Variants in GALT observed in about 807,000 individuals in gnomAD.
The protein encoded by GALT is galactose-1-phosphate uridylyltransferase.
Under a neutral mutation model 55.4 loss-of-function variants are expected in GALT, and 42 were observed. That is an observed-to-expected ratio of 0.76 (90% confidence interval 0.59 to 0.98). The LOEUF (loss-of-function observed/expected upper bound fraction) is 0.98. GALT is among the 50% of genes least tolerant of loss of function. The probability of loss-of-function intolerance (pLI) is 0.00; values close to 1 mark genes in which losing one functional copy is unlikely to be tolerated. For missense variants in GALT, 407 were observed against 495.7 expected (o/e 0.82, Z 1.70); for synonymous variants, 154 against 181.5 (o/e 0.85, Z 1.22).
rs1450493685 is a variant in GALT, at chr9:34,647,127, T to C, written c.121T>C (p.Trp41Arg). ...CCGCTACAACCCGCTGCAGGATGAG[T>C]GGGTGCTGGTGTCAGCTCACCGCAT... The part of the protein sequence containing the change: ...HIRYNPLQDE[W>R]VLVSAHRMKR... Residue 41 changes from tryptophan (W) to arginine (R), a missense_variant, in exon 2 of 11, where the codon TGG becomes CGG. Coordinates refer to ENST00000378842, the MANE Select transcript of GALT (RefSeq NM_000155.4). This position sits in a 1 kb window ranked among gnomAD's most constrained non-coding sequence, Gnocchi z 5.6. 6.2e-7 allele frequency: 1 copy of C among 1,614,094 alleles called. No individual in the cohort carries two copies. The highest frequency in any genetic ancestry group is 1.1e-5 in the South Asian group (1 of 91,082).
Position 34,648,659 on chromosome 9 carries a change from G to A in GALT, c.688-103G>A. ...TGGTAGAGGTGGTGAGAAGACATCA[G>A]ATCCTGGGCACATTCTTTTCTTCTG... On this transcript the variant is annotated intron_variant, in intron 7 of 10. Coordinates refer to ENST00000378842, the MANE Select transcript of GALT (RefSeq NM_000155.4). The surrounding 1 kb of genome is among the most constrained non-coding windows in gnomAD (Gnocchi z 4.9). 1.3e-6 allele frequency: 2 copies of A among 1,533,322 alleles called. No individual in the cohort carries two copies. The highest frequency in any genetic ancestry group is 1.8e-6 in the Non-Finnish European group (2 of 1,114,624). The allele number at this position is 1,533,322 out of a possible 1,614,324, so 95.0% of individuals were successfully genotyped here.
In GALT at chr9:34,648,670, C is replaced by T; in HGVS notation, c.688-92C>T. 1 of 1,554,114 alleles carries T rather than the reference C, an allele frequency of 6.4e-7. No homozygotes were observed. The highest frequency in any genetic ancestry group is 1.8e-4 in the Middle Eastern group (1 of 5,662). On this transcript the variant is annotated intron_variant, in intron 7 of 10. Transcript: ENST00000378842. This position sits in a 1 kb window ranked among gnomAD's most constrained non-coding sequence, Gnocchi z 4.9. ...GTGAGAAGACATCAGATCCTGGGCA[C>T]ATTCTTTTCTTCTGCTTCCCTTGCC... is the stretch of plus-strand genomic sequence containing the variant.
At chr9:34,649,369 A>G (rs1284044326) in intron 9 of GALT, 41 bp from the exon 10 acceptor site, 2 of 1,613,368 alleles carry the variant, frequency 1.2e-6, no homozygotes, top group Non-Finnish European at 1.7e-6. Context: ...GATAACTGTA[A>G]AAGGGCTCTC....
In GALT at chr9:34,646,785, C is replaced by G. The variant is rs771930483; in HGVS notation, c.81C>G (p.Asn27Lys). 3.1e-6 allele frequency: 5 copies of G among 1,613,524 alleles called. No homozygotes were observed. In the South Asian group the frequency reaches 4.4e-5, roughly 14 times the overall value. The change falls in exon 1 of 11, where the codon AAC (asparagine) becomes AAG (lysine). Residue 27 changes from asparagine to lysine, a missense_variant and splice_region_variant. Physicochemically the swap from Asn to Lys is moderately conservative, Grantham distance 94 (BLOSUM62 0). Transcript: ENST00000378842. ...CCGCAGCAGCAACCTTCCGGGCAAA[C>G]GGTAACTGCACCGCGGCAGGGACTC... The part of the protein sequence containing the change: ...ADAAAATFRA[N>K]DHQHIRYNPL...
rs1300272880 is a variant in GALT at position 34,648,081 on chromosome 9, T to C, written c.508-34T>C. On this transcript the variant is annotated intron_variant, in intron 5 of 10. Transcript: ENST00000378842. The surrounding 1 kb of genome is among the most constrained non-coding windows in gnomAD (Gnocchi z 4.9). ...CAGGAGGGAGTTGACTTGGTGTCTT[T>C]TGGCTAACAGAGCTCCGTATCCCTA... The C allele has an allele frequency of 1.2e-6, 2 of 1,614,200 alleles. No individual in the cohort carries two copies.
Position 34,650,457 on chromosome 9 carries a change from G to A in GALT, c.*8G>A, listed in dbSNP as rs370285476. 2.1e-4 allele frequency: 341 copies of A among 1,613,230 alleles called. 1 individual carries two copies. Among genetic ancestry groups the A allele is most frequent in the Admixed American group, 1.8e-3 (108 of 59,972 alleles). ...ACAGCAACCATCGCCTGACCACGCC[G>A]ACCACAGGGCCTTGAATCCTTTTTT... On this transcript the variant is annotated 3_prime_UTR_variant, in exon 11 of 11. Coordinates refer to ENST00000378842, the MANE Select transcript of GALT (RefSeq NM_000155.4).
Position 34,647,579 on chromosome 9 carries a change from C to T in GALT, c.328+12C>T, listed in dbSNP as rs1230730695. 1 of 1,614,024 alleles carries T rather than the reference C, an allele frequency of 6.2e-7. No individual in the cohort carries two copies. The highest frequency in any genetic ancestry group is 1.3e-5 in the African/African-American group (1 of 74,914). On this transcript the variant is annotated intron_variant, in intron 3 of 10. Transcript: ENST00000378842. The surrounding 1 kb of genome is among the most constrained non-coding windows in gnomAD (Gnocchi z 5.6). ...TGCCCCCAGTCCAGGTAACCTGGCT[C>T]CAACTGCTGCTGGGGAGGAGGGTGG...
At position 34,647,315 on chromosome 9, in the gene GALT, A is replaced by G; in HGVS notation, c.252+57A>G. The G allele has an allele frequency of 2.5e-6, 4 of 1,609,782 alleles. No individual in the cohort carries two copies. The highest frequency in any genetic ancestry group is 2.5e-6 in the Non-Finnish European group (3 of 1,176,562). On this transcript the variant is annotated intron_variant, in intron 2 of 10. Coordinates refer to ENST00000378842, the MANE Select transcript of GALT (RefSeq NM_000155.4). The surrounding 1 kb of genome is among the most constrained non-coding windows in gnomAD (Gnocchi z 5.6). The stretch of plus-strand genomic sequence containing the variant: ...GGGCCACGGGGAGTAGTTCCCTCTT[A>G]GAACTGTCCTCCACCCACAGGGATA...
Position 34,648,980 on chromosome 9 carries a change from G to C in GALT, c.821-18G>C, listed in dbSNP as rs774306500. 6.2e-7 allele frequency: 1 copy of C among 1,613,978 alleles called. No homozygotes were observed. Among genetic ancestry groups the C allele is most frequent in the Non-Finnish European group, 8.5e-7 (1 of 1,179,950 alleles). ...TCAGCATCTGGACCCCAGGCTGAGA[G>C]TCAGGCTCTGATTCCAGATCTAGCC... On this transcript the variant is annotated intron_variant, in intron 8 of 10. Coordinates refer to ENST00000378842, the MANE Select transcript of GALT (RefSeq NM_000155.4). The surrounding 1 kb of genome is among the most constrained non-coding windows in gnomAD (Gnocchi z 4.9).
chr9:34,648,623 C>CGGGTGG lies in GALT; in HGVS notation c.688-138_688-133dup. 6.8e-7 allele frequency: 1 copy of CGGGTGG among 1,479,506 alleles called. No individual in the cohort carries two copies. The highest frequency in any genetic ancestry group is 1.1e-5 in the South Asian group (1 of 87,704). 91.6% of individuals were successfully genotyped at this position (1,479,506 alleles called of 1,614,324 possible). On this transcript the variant is annotated intron_variant, in intron 7 of 10. Transcript: ENST00000378842. The surrounding 1 kb of genome is among the most constrained non-coding windows in gnomAD (Gnocchi z 4.9). ...AGGAAAGATGATGGTGACTTAGACT[C>CGGGTGG]GGGTGGTTAGTGGTAGAGGTGGTGA...
rs567181626 is a variant in GALT, at chr9:34,647,474, G to C, written c.253-18G>C. 6.2e-7 allele frequency: 1 copy of C among 1,613,838 alleles called. No homozygotes were observed. Among genetic ancestry groups the C allele is most frequent in the Admixed American group, 1.7e-5 (1 of 60,020 alleles). On this transcript the variant is annotated intron_variant, in intron 2 of 10. Coordinates refer to ENST00000378842, the MANE Select transcript of GALT (RefSeq NM_000155.4). This position sits in a 1 kb window ranked among gnomAD's most constrained non-coding sequence, Gnocchi z 5.6. ...TGGTATGGGGCAGTGAGTGCTTCTAGCCTATCCTTGTCGGTAGGTGAATCC... is the reference window on the plus strand; with the variant it reads ...TGGTATGGGGCAGTGAGTGCTTCTACCCTATCCTTGTCGGTAGGTGAATCC...
chr9:34,647,978 C>CTT lies in GALT; in HGVS notation c.507+18_507+19dup, dbSNP rs1821151229. 6.2e-7 allele frequency: 1 copy of CTT among 1,614,192 alleles called. No individual in the cohort carries two copies. The highest frequency in any genetic ancestry group is 1.1e-5 in the South Asian group (1 of 91,070). ...TGGGTGCAGGTTTGTGAGGTCGCCC[C>CTT]TTCCCCTGGATGGGCAGGGAGGGGG... On this transcript the variant is annotated intron_variant, in intron 5 of 10. Coordinates refer to ENST00000378842, the MANE Select transcript of GALT (RefSeq NM_000155.4). This position sits in a 1 kb window ranked among gnomAD's most constrained non-coding sequence, Gnocchi z 5.6.
Position 34,648,913 on chromosome 9 carries a change from A to G in GALT, c.820+19A>G, listed in dbSNP as rs747476715. 1.2e-6 allele frequency: 2 copies of G among 1,613,568 alleles called. No homozygotes were observed. Among genetic ancestry groups the G allele is most frequent in the African/African-American group, 2.7e-5 (2 of 74,894 alleles). ...CGTGATGGTCAGTCTCCCAAGTAGG[A>G]TCCTGGGGCTAGGCACTGGATGGAG... is the stretch of plus-strand genomic sequence containing the variant. On this transcript the variant is annotated intron_variant, in intron 8 of 10. Coordinates refer to ENST00000378842, the MANE Select transcript of GALT (RefSeq NM_000155.4). This position sits in a 1 kb window ranked among gnomAD's most constrained non-coding sequence, Gnocchi z 4.9.
Position 34,648,438 on chromosome 9 carries a change from C to T in GALT, c.669C>T (p.Arg223=), listed in dbSNP as rs2132344347. Residue 223 remains arginine (R), a synonymous_variant, in exon 7 of 11, where the codon CGC becomes CGT. Transcript: ENST00000378842. The surrounding 1 kb of genome is among the most constrained non-coding windows in gnomAD (Gnocchi z 4.9). The stretch of plus-strand genomic sequence containing the variant: ...AGCCCCTGCTAATGGAGTACAGCCG[C>T]CAGGAGCTACTCAGGAAGGTGGGAG... The part of the protein sequence containing the change: ...HGEPLLMEYS[R]QELLRKERLV... 1.2e-6 allele frequency: 2 copies of T among 1,614,140 alleles called. No homozygotes were observed. The highest frequency in any genetic ancestry group is 4.5e-5 in the East Asian group (2 of 44,878).
Position 34,647,032 on chromosome 9 carries a change from C to A in GALT, c.83-57C>A. 6.2e-7 allele frequency: 1 copy of A among 1,612,552 alleles called. No homozygotes were observed. The highest frequency in any genetic ancestry group is 1.1e-5 in the South Asian group (1 of 91,018). On this transcript the variant is annotated intron_variant, in intron 1 of 10. Coordinates refer to ENST00000378842, the MANE Select transcript of GALT (RefSeq NM_000155.4). The surrounding 1 kb of genome is among the most constrained non-coding windows in gnomAD (Gnocchi z 5.6). ...AGCTTGGGCCTGCTGGTGGGTGAGA[C>A]CCAGGAGAGAGGGAGCTAGAGAGCT... is the stretch of plus-strand genomic sequence containing the variant.
At position 34,647,848 on chromosome 9, in the gene GALT, C is replaced by T. The variant is rs111033688; in HGVS notation, c.394C>T (p.His132Tyr). Reference sequence around the variant, plus strand: ...ACCACCCAGTAAGGTCATGTGCTTCCACCCCTGGTCGGATGTAACGCTGCC... The same window carrying T: ...ACCACCCAGTAAGGTCATGTGCTTCTACCCCTGGTCGGATGTAACGCTGCC... The part of the protein sequence containing the change: ...ARGVCKVMCF[H>Y]PWSDVTLPLM... The change falls in exon 5 of 11, where the codon CAC (histidine) becomes TAC (tyrosine). Residue 132 changes from histidine to tyrosine, a missense_variant. Transcript: ENST00000378842. The surrounding 1 kb of genome is among the most constrained non-coding windows in gnomAD (Gnocchi z 5.6). The T allele has an allele frequency of 6.2e-7, 1 of 1,614,222 alleles. No individual in the cohort carries two copies. Among genetic ancestry groups the T allele is most frequent in the Non-Finnish European group, 8.5e-7 (1 of 1,180,038 alleles).
At chr9:34,650,264 C>A (rs1446016878) in intron 10 of GALT, 105 bp from the exon 11 acceptor site, 5 of 725,982 alleles carry the variant, frequency 6.9e-6, no homozygotes, top group African/African-American at 2.1e-5. Context: ...GCCTGGGCAA[C>A]AGAGCAAGAC....
chr9:34,650,590 A>G lies in GALT; in HGVS notation c.*141A>G. 1 of 696,814 alleles carries G rather than the reference A, an allele frequency of 1.4e-6. No individual in the cohort carries two copies. The highest frequency in any genetic ancestry group is 2.5e-6 in the Non-Finnish European group (1 of 398,022). 43.2% of individuals were successfully genotyped at this position (696,814 alleles called of 1,614,324 possible). The stretch of plus-strand genomic sequence containing the variant: ...TGTGCATCTCAAACTTTTATCACAT[A>G]CTCTAATATCAGAGGAGTGTGAACC... On this transcript the variant is annotated 3_prime_UTR_variant, in exon 11 of 11. Transcript: ENST00000378842.
Position 34,647,384 on chromosome 9 carries a change from C to T in GALT, c.253-108C>T, listed in dbSNP as rs1177475984. ...CATATCCCACCAAGCTTTTTGGTCCCCTAGGGTGGGCCTTCCCTACTCCCT... is the reference window on the plus strand; with the variant it reads ...CATATCCCACCAAGCTTTTTGGTCCTCTAGGGTGGGCCTTCCCTACTCCCT... On this transcript the variant is annotated intron_variant, in intron 2 of 10. Transcript: ENST00000378842. This position sits in a 1 kb window ranked among gnomAD's most constrained non-coding sequence, Gnocchi z 5.6. 8 of 1,576,964 alleles carry T rather than the reference C, an allele frequency of 5.1e-6. No homozygotes were observed. Among genetic ancestry groups the T allele is most frequent in the Non-Finnish European group, 7.0e-6 (8 of 1,146,834 alleles).
Sources: allele counts gnomAD v4.1 joint callset, GRCh38; gene constraint gnomAD v4.1.1; non-coding constraint Gnocchi (gnomAD v3.1); transcripts MANE v1.5; gene names NCBI Gene and HGNC (gene_info 2026-07-23, HGNC 2026-07-21).